Variants in PDE1C observed in about 807,000 individuals in gnomAD.
The protein encoded by PDE1C is dual specificity calcium/calmodulin-dependent 3',5'-cyclic nucleotide phosphodiesterase 1C.
PDE1C carries 62 observed loss-of-function variants against 93.1 expected under a neutral mutation model. The observed-to-expected ratio is 0.67, with a 90% CI of 0.54 to 0.82. PDE1C has a LOEUF of 0.82. Ranked by LOEUF, PDE1C falls within the 40% of genes least tolerant of loss-of-function variation. The pLI is 0.00. For synonymous variants in PDE1C, 325 were observed against 310.1 expected (o/e 1.05, Z -0.50); for missense variants, 742 against 884.6 (o/e 0.84, Z 2.04).
At chr7:32,262,835 G>A (rs1810308471) in intron 1 of PDE1C, among the ~76,000 whole-genome samples, 1 of 152,220 alleles carries the variant, frequency 6.6e-6, no homozygotes, top group African/African-American at 2.4e-5. Context: ...CAGATGATAT[G>A]TCTTGAAGGC....
chr7:31,837,143 T>C (rs376152839), intron 11 of PDE1C, 37 bp downstream of exon 11: 20 of 1,596,094 alleles, frequency 1.3e-5, no homozygotes, highest in Admixed American at 3.4e-5. Flanking sequence ...AAATATCCAA[T>C]GATGACAGTC....
At chr7:32,141,631 A>G (rs1371169061) in intron 3 of PDE1C, among the ~76,000 whole-genome samples, 1 of 152,228 alleles carries the variant, frequency 6.6e-6, no homozygotes, top group Non-Finnish European at 1.5e-5. Flanking sequence ...CAAAGGAAAG[A>G]AAGACTGAGA....
intron 2 of PDE1C, among the ~76,000 whole-genome samples, chr7:32,019,498 C>T (rs1788367007): frequency 1.3e-5 from 2 of 152,052 alleles, no homozygotes; most frequent in South Asian, 2.1e-4. Flanking sequence ...CAATGCAGAA[C>T]CATTAAACTG....
intron 2 of PDE1C, among the ~76,000 whole-genome samples, chr7:31,932,639 G>T (rs963074378): frequency 5.8e-4 from 88 of 152,130 alleles, no homozygotes; most frequent in African/African-American, 1.9e-3. Context: ...AGTTCAACCA[G>T]TGTGGAAGAC....
chr7:32,244,882 C>T (rs1056548559), intron 1 of PDE1C, among the ~76,000 whole-genome samples: 12 of 152,214 alleles, frequency 7.9e-5, no homozygotes, highest in African/African-American at 2.7e-4. Context: ...CCCAGCTGCC[C>T]ACTAAACAGT....
intron 17 of PDE1C, among the ~76,000 whole-genome samples, chr7:31,764,526 A>G (rs1583976092): frequency 6.6e-6 from 1 of 152,180 alleles, no homozygotes; most frequent in East Asian, 1.9e-4. Context: ...TTAGATAACC[A>G]ACCAAGACGG....
At chr7:32,071,258 C>T (rs1796030015), upstream of PDE1C, 1 of 985,348 alleles carries the variant, frequency 1.0e-6, no homozygotes, top group Non-Finnish European at 1.2e-6. Context: ...AAATCCTTAT[C>T]CTCCCGGGGC....
At chr7:31,793,391 T>G (rs944592417) in intron 16 of PDE1C, among the ~76,000 whole-genome samples, 2 of 152,028 alleles carry the variant, frequency 1.3e-5, no homozygotes, top group African/African-American at 4.8e-5. Flanking sequence ...GGATTTGATG[T>G]TTTTACAGCC....
the PDE1C span, among the ~76,000 whole-genome samples, chr7:31,727,300 G>A: frequency 6.6e-6 from 1 of 152,128 alleles, no homozygotes; most frequent in African/African-American, 2.4e-5. Context: ...TTTTGCTGGA[G>A]GGCATTGAAA....
rs538751652 is a variant in PDE1C, at chr7:32,132,405, T to C, written c.308+37380A>G. Among the ~76,000 whole-genome samples, 3 of 152,288 alleles carry C rather than the reference T, an allele frequency of 2.0e-5. No homozygotes were observed. In the South Asian group the frequency reaches 6.2e-4, roughly 32 times the overall value. On this transcript the variant is annotated intron_variant, in intron 3 of 18. Transcript: ENST00000396193. ...TAAGCAGGGTGCAGTGGCTCACGCC[T>C]GTAATCCCAACACTTTGGGAGGCCA...
intron 9 of PDE1C, among the ~76,000 whole-genome samples, chr7:31,845,983 ACT>A (rs1361142902): frequency 5.3e-5 from 8 of 151,926 alleles, no homozygotes; most frequent in African/African-American, 1.9e-4. Flanking sequence ...ACAGAGTGAG[ACT>A]CTGTCTCAAA....
chr7:31,669,883 T>C, the PDE1C span, among the ~76,000 whole-genome samples: 1 of 152,200 alleles, frequency 6.6e-6, no homozygotes, highest in Non-Finnish European at 1.5e-5. Flanking sequence ...CCCCTTATTT[T>C]CTCTAACCCC....
chr7:32,110,946 T>C (rs1798605285), intron 3 of PDE1C, among the ~76,000 whole-genome samples: 1 of 152,132 alleles, frequency 6.6e-6, no homozygotes, highest in Middle Eastern at 3.2e-3. Context: ...GAGGGTGCTG[T>C]TAGGGAATGC....
At chr7:31,661,510 C>T in the PDE1C span, among the ~76,000 whole-genome samples, 1 of 151,958 alleles carries the variant, frequency 6.6e-6, no homozygotes, top group African/African-American at 2.4e-5. Context: ...GTCAGGAGTT[C>T]GAGACCAGCC....
At chr7:31,669,939 T>C in the PDE1C span, among the ~76,000 whole-genome samples, 1 of 152,212 alleles carries the variant, frequency 6.6e-6, no homozygotes, top group African/African-American at 2.4e-5. Flanking sequence ...GAGGTTTGCA[T>C]ATCAGGGAAA....
intron 1 of PDE1C, among the ~76,000 whole-genome samples, chr7:32,380,246 TA>T (rs1406335148): frequency 3.3e-5 from 5 of 151,822 alleles, no homozygotes; most frequent in Non-Finnish European, 7.4e-5. Context: ...TTTTTTTATT[TA>T]TTTTTTTTGA....
Position 31,872,143 on chromosome 7 carries a change from T to C in PDE1C, c.609+1149A>G, listed in dbSNP as rs1221077025. Among the ~76,000 whole-genome samples, 5 of 152,162 alleles carry C rather than the reference T, an allele frequency of 3.3e-5. 1 individual carries two copies. The highest frequency in any genetic ancestry group is 9.7e-5 in the African/African-American group (4 of 41,436). On this transcript the variant is annotated intron_variant, in intron 6 of 17. Transcript: ENST00000396191. ...CAAGCATGGAAAGACAAACAGCACA[T>C]GTTCTCACTCACATGTGAGAGCTAA...
At chr7:31,643,818 C>G in the PDE1C span, 3 of 1,613,832 alleles carry the variant, frequency 1.9e-6, no homozygotes, top group South Asian at 3.3e-5. Flanking sequence ...CTCACTGCCA[C>G]GGGGAGAGGC....
chr7:31,829,878 G>A (rs1790159106), intron 11 of PDE1C, among the ~76,000 whole-genome samples: 1 of 152,072 alleles, frequency 6.6e-6, no homozygotes, highest in African/African-American at 2.4e-5. Context: ...AGATGGTTTG[G>A]TGGGATAGTT....
Sources: allele counts gnomAD v4.1 joint callset (sites outside exome capture counted in the v4.1 genomes callset), GRCh38; gene constraint gnomAD v4.1.1; transcripts MANE v1.5; gene names NCBI Gene and HGNC (gene_info 2026-07-23, HGNC 2026-07-21).